Variants in LUZP2 observed in about 807,000 individuals in gnomAD.
LUZP2 encodes leucine zipper protein 2.
Under a neutral mutation model 51.6 loss-of-function variants are expected in LUZP2, and 52 were observed. The observed-to-expected ratio is 1.01, with a 90% CI of 0.81 to 1.27. The LOEUF is 1.27. LUZP2 is among the 50% of genes most tolerant of loss of function. LUZP2 has a pLI of 0.00. For missense variants in LUZP2, 436 were observed against 395.4 expected (o/e 1.10, Z -0.87); for synonymous variants, 154 against 137.3 (o/e 1.12, Z -0.85).
At chr11:25,046,064 T>G (rs1858296920) in intron 9 of LUZP2, among the ~76,000 whole-genome samples, 1 of 152,144 alleles carries the variant, frequency 6.6e-6, no homozygotes, top group Non-Finnish European at 1.5e-5. Context: ...AATTAACATA[T>G]CTAACCATTG....
chr11:24,639,854 C>T (rs1373657305), intron 1 of LUZP2, among the ~76,000 whole-genome samples: 1 of 151,836 alleles, frequency 6.6e-6, no homozygotes, highest in East Asian at 1.9e-4. Context: ...CTTGAATCCT[C>T]TCTACCTTCC....
At chr11:24,829,440 AT>A (rs1256244659) in intron 5 of LUZP2, among the ~76,000 whole-genome samples, 7 of 152,174 alleles carry the variant, frequency 4.6e-5, no homozygotes, top group Admixed American at 2.6e-4. Flanking sequence ...TAATTTTGAA[AT>A]TTAGTATTTT....
chr11:24,697,064 A>T (rs1042137573), intron 1 of LUZP2, among the ~76,000 whole-genome samples: 2 of 152,172 alleles, frequency 1.3e-5, no homozygotes, highest in African/African-American at 4.8e-5. Flanking sequence ...CAAGGTCTAA[A>T]TGATTAAGGT....
intron 1 of LUZP2, among the ~76,000 whole-genome samples, chr11:24,659,538 T>G (rs994756502): frequency 3.6e-4 from 54 of 152,028 alleles, no homozygotes; most frequent in African/African-American, 1.3e-3. Context: ...ACCTGCATGT[T>G]GTGCACATAT....
chr11:24,784,963 G>A (rs988740673), intron 5 of LUZP2, among the ~76,000 whole-genome samples: 7 of 151,958 alleles, frequency 4.6e-5, no homozygotes, highest in African/African-American at 1.7e-4. Context: ...CTTGGGATTA[G>A]CCTTTTGGGA....
intron 1 of LUZP2, among the ~76,000 whole-genome samples, chr11:24,503,925 G>A (rs553062124): frequency 1.1e-4 from 16 of 152,150 alleles, no homozygotes; most frequent in South Asian, 8.3e-4. Context: ...ACAACAGGCC[G>A]TAAGACAAAG....
At chr11:24,845,098 C>T (rs752475811) in intron 5 of LUZP2, among the ~76,000 whole-genome samples, 7 of 152,148 alleles carry the variant, frequency 4.6e-5, no homozygotes, top group Non-Finnish European at 1.0e-4. Context: ...ACAGCTTGCA[C>T]CATGCATCTG....
intron 7 of LUZP2, among the ~76,000 whole-genome samples, chr11:24,957,868 A>G (rs1855256125): frequency 6.6e-6 from 1 of 152,116 alleles, no homozygotes; most frequent in South Asian, 2.1e-4. Context: ...CTCGTCATCT[A>G]GCATTACGTA....
chr11:24,705,089 TC>T (rs1309482408), intron 1 of LUZP2, among the ~76,000 whole-genome samples: 1 of 152,162 alleles, frequency 6.6e-6, no homozygotes, highest in Non-Finnish European at 1.5e-5. Context: ...TTTTTTTCAT[TC>T]TTTTTTTTCT....
intron 5 of LUZP2, among the ~76,000 whole-genome samples, chr11:24,844,411 T>C (rs1394126272): frequency 6.6e-6 from 1 of 152,162 alleles, no homozygotes; most frequent in Non-Finnish European, 1.5e-5. Context: ...AAGGGAAGAC[T>C]TGGATGCTGT....
chr11:24,894,915 A>C (rs1852986952), intron 5 of LUZP2, among the ~76,000 whole-genome samples: 1 of 152,204 alleles, frequency 6.6e-6, no homozygotes, highest in Non-Finnish European at 1.5e-5. Flanking sequence ...TAGTTATTAG[A>C]CACATAGAAA....
chr11:24,920,920 G>A (rs1418795554), intron 7 of LUZP2, among the ~76,000 whole-genome samples: 1 of 151,878 alleles, frequency 6.6e-6, no homozygotes, highest in African/African-American at 2.4e-5. Flanking sequence ...TAACAAAATT[G>A]CACTTACACC....
At chr11:25,002,373 A>G (rs1443002990) in intron 9 of LUZP2, among the ~76,000 whole-genome samples, 1 of 152,182 alleles carries the variant, frequency 6.6e-6, no homozygotes, top group African/African-American at 2.4e-5. Flanking sequence ...ATTTGTTGGC[A>G]GTCATGCTCA....
intron 5 of LUZP2, among the ~76,000 whole-genome samples, chr11:24,875,262 C>A (rs1444154509): frequency 6.9e-6 from 1 of 145,674 alleles, no homozygotes; most frequent in African/African-American, 2.5e-5. Context: ...CTCCCCTCAC[C>A]CCACAACAGT....
At chr11:24,864,214 A>T (rs1382547311) in intron 5 of LUZP2, among the ~76,000 whole-genome samples, 1 of 152,104 alleles carries the variant, frequency 6.6e-6, no homozygotes, top group East Asian at 1.9e-4. Context: ...TGATACACAC[A>T]TGTTTGAAGT....
Position 24,890,893 on chromosome 11 carries a change from T to A in LUZP2, c.397-15098T>A. The A allele has an allele frequency of 5.9e-6, 5 of 843,394 alleles. No individual in the cohort carries two copies. In the South Asian group the frequency reaches 3.0e-4, roughly 50 times the overall value. The allele number at this position is 843,394 out of a possible 1,614,324, so 52.2% of individuals were successfully genotyped here. A position where few individuals can be genotyped will look rare whatever the true frequency, so the allele number is the denominator to read the frequency against. On this transcript the variant is annotated intron_variant, in intron 5 of 11. Coordinates refer to ENST00000336930, the MANE Select transcript of LUZP2 (RefSeq NM_001009909.4). ...GGCCATTTACAGGAGGAGTAAAAGT[T>A]CTTTTTTTTTTTTTTTTTTTTGCAG...
At chr11:24,759,998 T>A (rs1230354829) in intron 4 of LUZP2, among the ~76,000 whole-genome samples, 1 of 152,104 alleles carries the variant, frequency 6.6e-6, no homozygotes, top group African/African-American at 2.4e-5. Flanking sequence ...ACATGTAAGA[T>A]GTACATTGGT....
intron 5 of LUZP2, among the ~76,000 whole-genome samples, chr11:24,896,068 A>G (rs999766564): frequency 6.6e-6 from 1 of 152,172 alleles, no homozygotes; most frequent in African/African-American, 2.4e-5. Context: ...TGTGATTTTG[A>G]TTTGCATTTC....
chr11:24,837,091 G>A (rs1850883164), intron 5 of LUZP2, among the ~76,000 whole-genome samples: 1 of 151,572 alleles, frequency 6.6e-6, no homozygotes, highest in African/African-American at 2.4e-5. Context: ...ATGTTCATCC[G>A]ATGTAATTTC....
Sources: gnomAD v4.1 joint callset for allele counts (sites outside exome capture counted in the v4.1 genomes callset) on GRCh38, gnomAD v4.1.1 for gene constraint, MANE v1.5 for transcripts, NCBI Gene and HGNC (gene_info 2026-07-23, HGNC 2026-07-21) for gene names.